KNTC1: variants seen among roughly 807,000 people sequenced by gnomAD.
KNTC1 encodes kinetochore associated 1.
A neutral mutation model predicts 314.4 loss-of-function variants in KNTC1; 253 were observed. That is an observed-to-expected ratio of 0.80 (90% CI 0.73 to 0.89). The LOEUF (loss-of-function observed/expected upper bound fraction) is 0.89, where lower values mean the gene tolerates loss of function less well. KNTC1 is among the 40% of genes least tolerant of loss of function. The probability of loss-of-function intolerance (pLI) is 0.00; values close to 1 mark genes in which losing one functional copy is unlikely to be tolerated. For missense variants in KNTC1, 2,475 were observed against 2,572.9 expected, an observed-to-expected ratio of 0.96 and a Z score of 0.82; for synonymous variants, 901 against 901.4, an observed-to-expected ratio of 1.00 and a Z score of 0.01.
In KNTC1 at chr12:122,610,842, C is replaced by T. The variant is rs374343598; in HGVS notation, c.5564C>T (p.Ser1855Phe). The change falls in exon 53 of 64, where the codon TCT (serine) becomes TTT (phenylalanine). Residue 1855 changes from serine to phenylalanine, a missense_variant. Ser to Phe is a radical substitution (Grantham distance 155). Transcript: ENST00000333479. ...ALRRVQYLLL[S>F]RPIDYSSRML... is the part of the protein sequence containing the mutation. ...TCCAGAGTGCAGTATCTCCTCCTGT[C>T]TCGTCCAATTGATTATAGTTCAAGA... is the stretch of plus-strand genomic sequence containing the variant. The T allele has an allele frequency of 1.1e-5, 18 of 1,612,784 alleles. No individual in the cohort carries two copies. The highest frequency in any genetic ancestry group is 1.4e-5 in the Non-Finnish European group (16 of 1,179,114).
chr12:122,575,667 A>G, intron 28 of KNTC1, 21 bp downstream of exon 28: 2 of 1,544,796 alleles, frequency 1.3e-6, no homozygotes, highest in Non-Finnish European at 1.8e-6. Context: ...TGTCTACGAA[A>G]CAATGTTGTT....
chr12:122,603,743 G>A (rs1044455058), intron 48 of KNTC1, among the ~76,000 whole-genome samples: 23 of 152,122 alleles, frequency 1.5e-4, no homozygotes, highest in African/African-American at 4.8e-4. Flanking sequence ...CGCCCGCCTC[G>A]GCCTCCCAAA....
Position 122,582,601 on chromosome 12 carries a change from TA to T in KNTC1, c.2983-100del, listed in dbSNP as rs1868582714. On this transcript the variant is annotated intron_variant, in intron 33 of 63. Coordinates refer to ENST00000333479, the MANE Select transcript of KNTC1 (RefSeq NM_014708.6). ...AAGCCCAGACATGTACCCCTGAATCTAAAATAAAAGTTGAAATTATGAAAAA... is the reference window on the plus strand; with the variant it reads ...AAGCCCAGACATGTACCCCTGAATCTAAATAAAAGTTGAAATTATGAAAAA... The T allele has an allele frequency of 5.4e-6, 6 of 1,119,066 alleles. No individual in the cohort carries two copies. The South Asian group carries it at 6.9e-5, about 13-fold the overall frequency. The allele number at this position is 1,119,066 out of a possible 1,614,324, so 69.3% of individuals were successfully genotyped here.
intron 63 of KNTC1, among the ~76,000 whole-genome samples, chr12:122,625,441 C>T (rs1874922985): frequency 6.6e-6 from 1 of 151,816 alleles, no homozygotes; most frequent in South Asian, 2.1e-4. Context: ...GTGGTGGGAG[C>T]CTGTAATCCC....
At chr12:122,547,856 G>A (rs1455099337) in intron 11 of KNTC1, 59 bp from the exon 12 acceptor site, 16 of 957,614 alleles carry the variant, frequency 1.7e-5, no homozygotes, top group South Asian at 5.0e-5. Flanking sequence ...AGATAATATT[G>A]TATGTTTTTG....
chr12:122,570,897 G>T lies in KNTC1; in HGVS notation c.1882G>T (p.Glu628Ter). 3 of 1,555,944 alleles carry T rather than the reference G, an allele frequency of 1.9e-6. No individual in the cohort carries two copies. The highest frequency in any genetic ancestry group is 2.4e-5 in the East Asian group (1 of 41,970). ...EGQIILAKWL[E>*]QAARNLELTD... The stretch of plus-strand genomic sequence containing the variant: ...TCAGATAATTCTTGCAAAATGGTTG[G>T]AACAAGCAGCCAGGAACCTTGAATT... The change falls in exon 23 of 64, where the codon GAA (glutamate) becomes TAA (stop). Residue 628 changes from glutamate (E) to a stop codon, truncating the protein, a stop_gained. Coordinates refer to ENST00000333479, the MANE Select transcript of KNTC1 (RefSeq NM_014708.6). LOFTEE classifies it high-confidence loss of function.
chr12:122,581,246 T>C (rs1305014714), intron 33 of KNTC1, among the ~76,000 whole-genome samples: 1 of 150,516 alleles, frequency 6.6e-6, no homozygotes, highest in Non-Finnish European at 1.5e-5. Context: ...TTGCCCAGGC[T>C]GGAGTGCAAT....
In KNTC1 at chr12:122,587,704, T is replaced by C; in HGVS notation, c.3731-7T>C. 6.2e-7 allele frequency: 1 copy of C among 1,602,968 alleles called. No homozygotes were observed. The highest frequency in any genetic ancestry group is 1.1e-5 in the South Asian group (1 of 89,042). ...TCTAAATATTAAAATCCTTTATCACTCTGCAGGAGATGGCCTTGTTTTACC... is the reference window on the plus strand; with the variant it reads ...TCTAAATATTAAAATCCTTTATCACCCTGCAGGAGATGGCCTTGTTTTACC... On this transcript the variant is annotated splice_region_variant and splice_polypyrimidine_tract_variant and intron_variant, in intron 38 of 63. Coordinates refer to ENST00000333479, the MANE Select transcript of KNTC1 (RefSeq NM_014708.6).
chr12:122,555,545 C>T (rs1269079272), intron 16 of KNTC1, among the ~76,000 whole-genome samples: 2 of 151,550 alleles, frequency 1.3e-5, no homozygotes, highest in East Asian at 1.9e-4. Context: ...GAGCAAGACT[C>T]TGTCTCAAAA....
intron 40 of KNTC1, among the ~76,000 whole-genome samples, chr12:122,589,153 T>G (rs968551948): frequency 3.9e-5 from 6 of 151,940 alleles, no homozygotes; most frequent in Admixed American, 1.3e-4. Flanking sequence ...CTTGAACTTC[T>G]GGGTTCTAGT....
chr12:122,606,074 G>C (rs553842907), intron 51 of KNTC1, among the ~76,000 whole-genome samples: 1 of 151,268 alleles, frequency 6.6e-6, no homozygotes, highest in East Asian at 2.0e-4. Context: ...TGTTGGCTAG[G>C]CGGGTCTCAA....
At chr12:122,601,144 G>A (rs370377402) in intron 44 of KNTC1, among the ~76,000 whole-genome samples, 20 of 151,736 alleles carry the variant, frequency 1.3e-4, no homozygotes, top group Admixed American at 9.2e-4. Context: ...GTGCAGTGGC[G>A]CAATCTCAGC....
chr12:122,541,303 T>TCCTTCCTC (rs1962304427), intron 5 of KNTC1, among the ~76,000 whole-genome samples: 1 of 138,970 alleles, frequency 7.2e-6, no homozygotes, highest in East Asian at 2.0e-4. Flanking sequence ...CTTCCTTCCT[T>TCCTTCCTC]CCTTCCTTCC....
At chr12:122,557,796 AT>A in intron 18 of KNTC1, 107 bp downstream of exon 18, 1 of 740,054 alleles carries the variant, frequency 1.4e-6, no homozygotes, top group Non-Finnish European at 2.2e-6. Flanking sequence ...CGCTATGTGT[AT>A]TATTAATAAA....
chr12:122,562,798 T>C (rs1964066475), intron 20 of KNTC1, 99 bp downstream of exon 20: 1 of 690,844 alleles, frequency 1.4e-6, no homozygotes, highest in Non-Finnish European at 2.6e-6. Context: ...TCACCCGAGA[T>C]CAGGAGTTCG....
intron 22 of KNTC1, among the ~76,000 whole-genome samples, chr12:122,570,445 G>C (rs1964610291): frequency 1.3e-5 from 2 of 151,526 alleles, no homozygotes; most frequent in Admixed American, 1.3e-4. Flanking sequence ...TGACCCAGGA[G>C]GTTGCAGTGA....
In KNTC1 at chr12:122,572,930, GT is replaced by G; in HGVS notation, c.2020-3del. 1 of 1,545,352 alleles carries G rather than the reference GT, an allele frequency of 6.5e-7. No individual in the cohort carries two copies. Among genetic ancestry groups the G allele is most frequent in the Non-Finnish European group, 8.8e-7 (1 of 1,134,676 alleles). ...TATCGTTAACAACTTTAACACTTTTGTTTTAGAAAGATTATCAGAACACAGA... is the reference window on the plus strand; with the variant it reads ...TATCGTTAACAACTTTAACACTTTTGTTTAGAAAGATTATCAGAACACAGA... On this transcript the variant is annotated splice_region_variant and splice_polypyrimidine_tract_variant and intron_variant, in intron 24 of 63. Transcript: ENST00000333479.
chr12:122,607,010 C>T (rs1357721356), intron 51 of KNTC1, among the ~76,000 whole-genome samples: 1 of 152,190 alleles, frequency 6.6e-6, no homozygotes, highest in Non-Finnish European at 1.5e-5. Context: ...TTTTCTCCCC[C>T]AGGTCCAGGA....
At chr12:122,604,204 G>C (rs900724129) in intron 48 of KNTC1, among the ~76,000 whole-genome samples, 4 of 130,456 alleles carry the variant, frequency 3.1e-5, no homozygotes, top group East Asian at 2.2e-4. Flanking sequence ...ACAGAGTCTT[G>C]CTCTGTCGCC....
Sources: allele counts gnomAD v4.1 joint callset (sites outside exome capture counted in the v4.1 genomes callset), GRCh38; gene constraint gnomAD v4.1.1; transcripts MANE v1.5; gene names NCBI Gene and HGNC (gene_info 2026-07-23, HGNC 2026-07-21).